Variants in BEGAIN observed in about 807,000 individuals in gnomAD.
BEGAIN encodes the protein brain enriched guanylate kinase associated, also known as brain-enriched guanylate kinase-associated protein.
BEGAIN carries 19 observed loss-of-function variants against 35.8 expected under a neutral mutation model. The observed-to-expected ratio is 0.53, with a 90% confidence interval of 0.37 to 0.78. BEGAIN has a LOEUF of 0.78. Among genes scored for constraint, BEGAIN ranks in the 30% least tolerant of loss-of-function variants. BEGAIN has a pLI of 0.00. For synonymous variants in BEGAIN, 462 were observed against 388.6 expected (o/e 1.19, Z -2.22); for missense variants, 795 against 853.6 (o/e 0.93, Z 0.85).
chr14:100,556,766 T>G (rs2139606263), intron 2 of BEGAIN, among the ~76,000 whole-genome samples: 1 of 152,202 alleles, frequency 6.6e-6, no homozygotes, highest in East Asian at 1.9e-4. Context: ...CAGCTGCGAT[T>G]TCAGGAAAGG....
At chr14:100,540,767 C>T (rs1042204368) in intron 5 of BEGAIN, among the ~76,000 whole-genome samples, 188 bp from the exon 6 acceptor site, 1 of 152,230 alleles carries the variant, frequency 6.6e-6, no homozygotes, top group Non-Finnish European at 1.5e-5. Flanking sequence ...ATGAGAGCCT[C>T]TTTCTGACCT....
At position 100,546,474 on chromosome 14, in the gene BEGAIN, C is replaced by CG. The variant is rs1251609192; in HGVS notation, c.233+26dup. On this transcript the variant is annotated intron_variant, in intron 3 of 6. Coordinates refer to ENST00000554140, the MANE Select transcript of BEGAIN (RefSeq NM_001385089.1). ...CCTCGCCCCGCCCCGGCCCTCGCCC[C>CG]GCCCCGGCCCTCGCCCCGCCCCTCA... 2.4e-5 allele frequency: 27 copies of CG among 1,141,782 alleles called. 1 individual carries two copies. The highest frequency in any genetic ancestry group is 1.1e-4 in the Admixed American group (3 of 26,910). The allele number at this position is 1,141,782 out of a possible 1,614,324, so 70.7% of individuals were successfully genotyped here.
intron 2 of BEGAIN, among the ~76,000 whole-genome samples, chr14:100,551,612 AT>A (rs770824098): frequency 2.2e-3 from 334 of 152,274 alleles, no homozygotes; most frequent in Non-Finnish European, 4.0e-3. Flanking sequence ...ATAATTTAAC[AT>A]TTTTCTTTTA....
intron 1 of BEGAIN, among the ~76,000 whole-genome samples, chr14:100,580,440 G>A (rs1164999139): frequency 1.3e-5 from 2 of 151,990 alleles, no homozygotes; most frequent in East Asian, 1.9e-4. Context: ...CTCCCGCCCC[G>A]TGCTCCCCGC....
intron 6 of BEGAIN, 81 bp from the exon 7 acceptor site, chr14:100,539,396 G>C (rs1027855090): frequency 6.4e-5 from 96 of 1,489,098 alleles, no homozygotes; most frequent in Middle Eastern, 1.9e-4. Flanking sequence ...TGAAGCTGAG[G>C]ACTGATGTTA....
chr14:100,564,937 C>T (rs2034569343), intron 2 of BEGAIN, among the ~76,000 whole-genome samples: 2 of 152,170 alleles, frequency 1.3e-5, no homozygotes, highest in African/African-American at 4.8e-5. Context: ...TGGAGGGTGG[C>T]CTGTCTGTCC....
At chr14:100,584,548 G>A (rs2035392884) in intron 1 of BEGAIN, among the ~76,000 whole-genome samples, 1 of 152,196 alleles carries the variant, frequency 6.6e-6, no homozygotes. Context: ...AGCATGTTAG[G>A]TGAGTGTAGA....
chr14:100,538,317 C>T lies in BEGAIN; in HGVS notation c.1491G>A (p.Glu497=), dbSNP rs774474791. The T allele has an allele frequency of 3.9e-6, 6 of 1,522,332 alleles. No individual in the cohort carries two copies. In the South Asian group the frequency reaches 7.6e-5, roughly 19 times the overall value. 94.3% of individuals were successfully genotyped at this position (1,522,332 alleles called of 1,614,324 possible). The change falls in exon 7 of 7, where the codon GAG becomes GAA. Residue 497 remains glutamate (E), a synonymous_variant. Transcript: ENST00000554140. Reference sequence around the variant, plus strand: ...GGTGGCCCTGGGAGAGGTCGTCCCCCTCGGAGAAGCTGTCGGCCTTGTAGC... The same window carrying T: ...GGTGGCCCTGGGAGAGGTCGTCCCCTTCGGAGAAGCTGTCGGCCTTGTAGC... ...YASYKADSFS[E]GDDLSQGHLA...
intron 5 of BEGAIN, among the ~76,000 whole-genome samples, chr14:100,543,618 G>T (rs113712944): frequency 0.026 from 4,007 of 152,276 alleles, 180 homozygotes; most frequent in African/African-American, 0.09. Flanking sequence ...GTCTGTTTAA[G>T]GACACCCTTG....
intron 1 of BEGAIN, among the ~76,000 whole-genome samples, chr14:100,582,432 C>T (rs894109106): frequency 2.6e-5 from 4 of 152,334 alleles, no homozygotes; most frequent in African/African-American, 4.8e-5. Context: ...CGTGAGCCAC[C>T]GCGCCCAGTC....
intron 2 of BEGAIN, among the ~76,000 whole-genome samples, chr14:100,556,862 G>A (rs927803637): frequency 4.6e-5 from 7 of 152,164 alleles, no homozygotes; most frequent in Admixed American, 1.3e-4. Flanking sequence ...AGAGCCGCCC[G>A]GGGCAGCAGG....
At position 100,586,186 on chromosome 14, in the gene BEGAIN, G is replaced by A. The variant is rs2035440782; in HGVS notation, c.42+1063C>T. ...GGGAGCCTGGCCCTGGGAGTAGTGG[G>A]GGTCTCTGCTGCTCTTGGCAGGCAG... On this transcript the variant is annotated intron_variant, in intron 1 of 6. Transcript: ENST00000554140. This position sits in a 1 kb window ranked among gnomAD's most constrained non-coding sequence, Gnocchi z 4.9. 6.6e-6 allele frequency among the ~76,000 whole-genome samples: 1 copy of A among 152,182 alleles called. No homozygotes were observed. Among genetic ancestry groups the A allele is most frequent in the Non-Finnish European group, 1.5e-5 (1 of 68,034 alleles).
chr14:100,576,360 C>G (rs1286059563), intron 1 of BEGAIN, among the ~76,000 whole-genome samples: 1 of 152,204 alleles, frequency 6.6e-6, no homozygotes, highest in South Asian at 2.1e-4. Context: ...CCCTCCTCCT[C>G]CATGCACTGG....
intron 2 of BEGAIN, chr14:100,546,926 CT>C: frequency 2.8e-6 from 1 of 351,914 alleles, no homozygotes; most frequent in Admixed American, 4.8e-5. Flanking sequence ...ACCAGTGTCC[CT>C]CACACAGGTA....
intron 2 of BEGAIN, among the ~76,000 whole-genome samples, chr14:100,557,609 A>G (rs1595130803): frequency 6.7e-6 from 1 of 150,196 alleles, no homozygotes; most frequent in African/African-American, 2.5e-5. Flanking sequence ...CCTCCCCATC[A>G]CTCTCCTCAT....
intron 1 of BEGAIN, among the ~76,000 whole-genome samples, chr14:100,576,682 A>G (rs2139754169): frequency 1.3e-5 from 2 of 152,330 alleles, no homozygotes; most frequent in Middle Eastern, 6.8e-3. Context: ...ACAGGGCAGG[A>G]AAGGTCAGCA....
At chr14:100,571,609 G>A (rs1340809412) in intron 1 of BEGAIN, among the ~76,000 whole-genome samples, 2 of 152,194 alleles carry the variant, frequency 1.3e-5, no homozygotes. Flanking sequence ...GTGGCACCCG[G>A]GCACAGAGAC....
chr14:100,568,202 A>C lies in BEGAIN; in HGVS notation c.43-263T>G. On this transcript the variant is annotated intron_variant, in intron 1 of 6. Coordinates refer to ENST00000554140, the MANE Select transcript of BEGAIN (RefSeq NM_001385089.1). This position sits in a 1 kb window ranked among gnomAD's most constrained non-coding sequence, Gnocchi z 7.5. ...CGAGTTACGCCCCCCGGGGCGAAGA[A>C]GGGGCCGGCCCGGGATGGCCCGGCC... 1.4e-6 allele frequency: 1 copy of C among 728,182 alleles called. No individual in the cohort carries two copies. The highest frequency in any genetic ancestry group is 1.7e-6 in the Non-Finnish European group (1 of 588,224). 45.1% of individuals were successfully genotyped at this position (728,182 alleles called of 1,614,324 possible). A position where few individuals can be genotyped will look rare whatever the true frequency, so the allele number is the denominator to read the frequency against.
At chr14:100,545,536 G>C in intron 3 of BEGAIN, 1 of 684,610 alleles carries the variant, frequency 1.5e-6, no homozygotes, top group Non-Finnish European at 1.8e-6. Context: ...TGCCGGGTAG[G>C]AGGAGTGGAG....
Sources: gnomAD v4.1 joint callset for allele counts (sites outside exome capture counted in the v4.1 genomes callset) on GRCh38, gnomAD v4.1.1 for gene constraint, Gnocchi (gnomAD v3.1) non-coding constraint, MANE v1.5 for transcripts, NCBI Gene and HGNC (gene_info 2026-07-23, HGNC 2026-07-21) for gene names.